PNPT1: variants seen among roughly 807,000 people sequenced by gnomAD.
PNPT1 encodes the protein polyribonucleotide nucleotidyltransferase 1, also known as polyribonucleotide nucleotidyltransferase 1, mitochondrial.
A neutral mutation model predicts 119.5 loss-of-function variants in PNPT1; 53 were observed. That is an observed-to-expected ratio of 0.44 (90% CI 0.36 to 0.56). The LOEUF (loss-of-function observed/expected upper bound fraction) is 0.56, where lower values mean the gene tolerates loss of function less well. Among genes scored for constraint, PNPT1 ranks in the 20% least tolerant of loss-of-function variants. PNPT1 has a pLI of 0.00. For missense variants in PNPT1, 948 were observed against 938.5 expected (o/e 1.01, Z -0.13); for synonymous variants, 357 against 322.1 (o/e 1.11, Z -1.16).
At chr2:55,691,876 A>T (rs1417616265) in intron 1 of PNPT1, among the ~76,000 whole-genome samples, 4,402 of 17,454 alleles carry the variant, frequency 0.25, 298 homozygotes, top group Non-Finnish European at 0.36. Flanking sequence ...ATATATATAT[A>T]TATTTTTTTT....
intron 27 of PNPT1, among the ~76,000 whole-genome samples, 176 bp from the exon 28 acceptor site, chr2:55,636,568 A>G (rs894561599): frequency 1.4e-4 from 21 of 152,244 alleles, no homozygotes; most frequent in Non-Finnish European, 1.3e-4. Flanking sequence ...AGTAGTCATT[A>G]TAAAAGAGAA....
intron 25 of PNPT1, among the ~76,000 whole-genome samples, chr2:55,642,325 G>C (rs1028464609): frequency 3.9e-5 from 6 of 152,020 alleles, no homozygotes; most frequent in Non-Finnish European, 7.4e-5. Context: ...GAATTCAGTT[G>C]GCCGGGCGCG....
intron 23 of PNPT1, among the ~76,000 whole-genome samples, chr2:55,644,074 A>G (rs572867309): frequency 2.0e-5 from 3 of 152,060 alleles, no homozygotes; most frequent in Non-Finnish European, 4.4e-5. Flanking sequence ...CCCTTTCCTT[A>G]CTTTTTTTCT....
Position 55,680,725 on chromosome 2 carries a change from C to A in PNPT1, c.552G>T (p.Trp184Cys). The A allele has an allele frequency of 6.2e-7, 1 of 1,613,102 alleles. No individual in the cohort carries two copies. The highest frequency in any genetic ancestry group is 8.5e-7 in the Non-Finnish European group (1 of 1,179,680). ...ATCCTAACTTACCAACAGGTCCATT[C>A]CAAGGAATATCTGATAATGAGAGGG... ...SVALSLSDIPWNGPVGAVRIG... is the reference protein window; with the variant it reads ...SVALSLSDIPCNGPVGAVRIG... The change falls in exon 7 of 28, where the codon TGG becomes TGT. Residue 184 changes from tryptophan (W) to cysteine (C), a missense_variant. Trp to Cys is a radical substitution (Grantham distance 215). Coordinates refer to ENST00000447944, the MANE Select transcript of PNPT1 (RefSeq NM_033109.5).
chr2:55,656,044 C>T (rs1202316674), intron 17 of PNPT1, 87 bp downstream of exon 17: 3 of 1,476,264 alleles, frequency 2.0e-6, no homozygotes, highest in Non-Finnish European at 2.7e-6. Flanking sequence ...TAGTAATAAA[C>T]AAAATGTAAC....
chr2:55,669,258 T>G (rs1172753826), intron 11 of PNPT1, among the ~76,000 whole-genome samples: 1 of 152,222 alleles, frequency 6.6e-6, no homozygotes, highest in African/African-American at 2.4e-5. Flanking sequence ...AGCTGTGACC[T>G]GAATAAAGAT....
intron 18 of PNPT1, among the ~76,000 whole-genome samples, chr2:55,651,591 G>A (rs1404238791): frequency 2.6e-5 from 4 of 151,730 alleles, no homozygotes; most frequent in Admixed American, 2.6e-4. Context: ...CTCCTTAAGA[G>A]TCATCACCAC....
At chr2:55,638,074 G>A (rs1012010935) in intron 26 of PNPT1, among the ~76,000 whole-genome samples, 21 of 151,722 alleles carry the variant, frequency 1.4e-4, no homozygotes, top group South Asian at 2.1e-4. Flanking sequence ...GGCTGGGGCA[G>A]GCAGATCACT....
chr2:55,637,252 A>C (rs1253551590), intron 27 of PNPT1, among the ~76,000 whole-genome samples: 2 of 152,248 alleles, frequency 1.3e-5, no homozygotes, highest in African/African-American at 4.8e-5. Flanking sequence ...ACCTTATCAC[A>C]GTTCTTACGT....
chr2:55,681,798 C>T lies in PNPT1; in HGVS notation c.454-880G>A, dbSNP rs188763280. Among the ~76,000 whole-genome samples the T allele has an allele frequency of 7.2e-3, 1,049 of 146,440 alleles. 10 individuals are homozygous for T. The highest frequency in any genetic ancestry group is 0.026 in the African/African-American group (1,016 of 39,220). On this transcript the variant is annotated intron_variant, in intron 5 of 27. Coordinates refer to ENST00000447944, the MANE Select transcript of PNPT1 (RefSeq NM_033109.5). ...GGCAGAGGTTTCAGTGAGCTGAGATCGCGCCATTGGTCTCCAGCCTGGGCA... is the reference window on the plus strand; with the variant it reads ...GGCAGAGGTTTCAGTGAGCTGAGATTGCGCCATTGGTCTCCAGCCTGGGCA...
At chr2:55,686,595 T>C (rs1697412427) in intron 2 of PNPT1, 151 bp from the exon 3 acceptor site, 1 of 613,176 alleles carries the variant, frequency 1.6e-6, no homozygotes, top group Non-Finnish European at 2.8e-6. Context: ...TCACAAGTAG[T>C]CCAATCTTGA....
intron 8 of PNPT1, among the ~76,000 whole-genome samples, chr2:55,675,214 A>T (rs1697026797): frequency 1.3e-5 from 2 of 152,112 alleles, no homozygotes; most frequent in Admixed American, 1.3e-4. Flanking sequence ...GCTAGGCTAC[A>T]GTGAGCCATG....
chr2:55,641,063 A>G (rs1470974761), intron 25 of PNPT1, among the ~76,000 whole-genome samples: 2 of 151,932 alleles, frequency 1.3e-5, no homozygotes, highest in African/African-American at 2.4e-5. Context: ...GTCTCTACTA[A>G]AAATATAAAA....
intron 7 of PNPT1, among the ~76,000 whole-genome samples, 176 bp downstream of exon 7, chr2:55,680,536 C>A (rs1463292655): frequency 6.6e-6 from 1 of 151,242 alleles, no homozygotes; most frequent in South Asian, 2.1e-4. Context: ...AGAAACAGAA[C>A]CCAAGACAAG....
chr2:55,662,567 T>C (rs557364068), intron 13 of PNPT1, among the ~76,000 whole-genome samples: 208 of 152,124 alleles, frequency 1.4e-3, no homozygotes, highest in African/African-American at 4.6e-3. Context: ...CCCAGCTGCT[T>C]GGGAGGCTGA....
chr2:55,647,498 C>A, intron 18 of PNPT1, 45 bp from the exon 19 acceptor site: 1 of 1,412,294 alleles, frequency 7.1e-7, no homozygotes, highest in Non-Finnish European at 9.7e-7. Context: ...TGTACATGAG[C>A]CTAAAACAAA....
Position 55,686,335 on chromosome 2 carries a change from C to A in PNPT1, c.297+35G>T, listed in dbSNP as rs368426362. The A allele has an allele frequency of 2.9e-5, 45 of 1,556,612 alleles. No individual in the cohort carries two copies. In the African/African-American group the frequency reaches 6.0e-4, roughly 21 times the overall value. ...TATACATTCTACACTTTACTCAGACCATATTACAGTTCAGATAAATCAGCA... is the reference window on the plus strand; with the variant it reads ...TATACATTCTACACTTTACTCAGACAATATTACAGTTCAGATAAATCAGCA... On this transcript the variant is annotated intron_variant, in intron 3 of 27. Transcript: ENST00000447944.
intron 18 of PNPT1, among the ~76,000 whole-genome samples, chr2:55,649,986 T>C (rs1696119569): frequency 6.6e-6 from 1 of 152,186 alleles, no homozygotes; most frequent in South Asian, 2.1e-4. Flanking sequence ...AGCGTAACAA[T>C]AACCTTCAGA....
intron 5 of PNPT1, among the ~76,000 whole-genome samples, chr2:55,682,471 A>G (rs1697278119): frequency 6.6e-6 from 1 of 152,058 alleles, no homozygotes; most frequent in Non-Finnish European, 1.5e-5. Context: ...AAAAAAAAAA[A>G]ATTTCTGTTT....
Sources: allele counts gnomAD v4.1 joint callset (sites outside exome capture counted in the v4.1 genomes callset), GRCh38; gene constraint gnomAD v4.1.1; transcripts MANE v1.5; gene names NCBI Gene and HGNC (gene_info 2026-07-23, HGNC 2026-07-21).